EPHA6: variants seen among roughly 807,000 people sequenced by gnomAD.
EPHA6 encodes the protein ephrin type-A receptor 6.
EPHA6 carries 50 observed loss-of-function variants against 112.0 expected under a neutral mutation model. That is an observed-to-expected ratio of 0.45 (90% CI 0.36 to 0.56). The LOEUF is 0.56. Among genes scored for constraint, EPHA6 ranks in the 20% least tolerant of loss-of-function variants. The probability of loss-of-function intolerance (pLI) is 0.00; values close to 1 mark genes in which losing one functional copy is unlikely to be tolerated. For missense variants in EPHA6, 1,280 were observed against 1,417.4 expected (o/e 0.90, Z 1.56); for synonymous variants, 529 against 490.7 (o/e 1.08, Z -1.03).
At chr3:97,208,960 A>G (rs1259553806) in intron 3 of EPHA6, among the ~76,000 whole-genome samples, 1 of 152,166 alleles carries the variant, frequency 6.6e-6, no homozygotes, top group Non-Finnish European at 1.5e-5. Context: ...TATCTTTACA[A>G]TTTTGAAGAC....
At chr3:97,141,037 C>T (rs1295653819) in intron 3 of EPHA6, among the ~76,000 whole-genome samples, 2 of 151,984 alleles carry the variant, frequency 1.3e-5, no homozygotes, top group Non-Finnish European at 2.9e-5. Flanking sequence ...ATACATATAT[C>T]AGATCAAACA....
At position 97,640,588 on chromosome 3, in the gene EPHA6, T is replaced by A. The variant is rs1279003980; in HGVS notation, c.2784+2506T>A. Among the ~76,000 whole-genome samples the A allele has an allele frequency of 2.7e-5, 4 of 150,156 alleles. No homozygotes were observed. The East Asian group carries it at 7.8e-4, about 29-fold the overall frequency. The stretch of plus-strand genomic sequence containing the variant: ...AAGCTAGAGACCAGCCCGACCAATA[T>A]GGAGAAACCCCATCTCTACTAAAAA... On this transcript the variant is annotated intron_variant, in intron 14 of 17. Coordinates refer to ENST00000389672, the MANE Select transcript of EPHA6 (RefSeq NM_001080448.3).
chr3:97,710,231 A>G (rs1386838046), intron 14 of EPHA6, among the ~76,000 whole-genome samples: 1 of 152,194 alleles, frequency 6.6e-6, no homozygotes, highest in African/African-American at 2.4e-5. Flanking sequence ...TATTGAGTGT[A>G]CTTCTGACTG....
chr3:96,838,700 A>C (rs1429776136), intron 1 of EPHA6, among the ~76,000 whole-genome samples: 1 of 152,110 alleles, frequency 6.6e-6, no homozygotes, highest in East Asian at 1.9e-4. Flanking sequence ...GAAATTTAAC[A>C]AATTTGCACT....
intron 5 of EPHA6, among the ~76,000 whole-genome samples, chr3:97,347,441 C>CA (rs907458306): frequency 3.3e-5 from 5 of 151,534 alleles, no homozygotes; most frequent in African/African-American, 1.2e-4. Context: ...AGTAAATGTA[C>CA]AAAAAAAATT....
intron 10 of EPHA6, among the ~76,000 whole-genome samples, chr3:97,523,092 C>T (rs748365209): frequency 6.6e-6 from 1 of 151,896 alleles, no homozygotes; most frequent in Non-Finnish European, 1.5e-5. Context: ...GTTTGTTCTT[C>T]CTTTTTTAGT....
Position 97,066,134 on chromosome 3 carries a change from G to A in EPHA6, c.1114+78141G>A, listed in dbSNP as rs188920120. Reference sequence around the variant, plus strand: ...AAATTTATATTTCTAATAAAATCAAGGAGGGGGTACACCTAGTGCATTTAA... The same window carrying A: ...AAATTTATATTTCTAATAAAATCAAAGAGGGGGTACACCTAGTGCATTTAA... On this transcript the variant is annotated intron_variant, in intron 3 of 17. Transcript: ENST00000389672. Among the ~76,000 whole-genome samples the A allele has an allele frequency of 3.3e-5, 5 of 152,104 alleles. No individual in the cohort carries two copies. The East Asian group carries it at 9.7e-4, about 29-fold the overall frequency.
intron 2 of EPHA6, among the ~76,000 whole-genome samples, chr3:96,957,037 A>C (rs1408170056): frequency 6.6e-6 from 1 of 152,090 alleles, no homozygotes; most frequent in Non-Finnish European, 1.5e-5. Flanking sequence ...TGTCTCAAAA[A>C]AAAAAAAAAA....
At chr3:96,870,522 A>G (rs2036573184) in intron 2 of EPHA6, among the ~76,000 whole-genome samples, 1 of 152,126 alleles carries the variant, frequency 6.6e-6, no homozygotes, top group South Asian at 2.1e-4. Flanking sequence ...TCTTCCAGAA[A>G]CATCCTTACA....
chr3:97,105,386 T>C (rs1242012174), intron 3 of EPHA6, among the ~76,000 whole-genome samples: 1 of 152,160 alleles, frequency 6.6e-6, no homozygotes, highest in Non-Finnish European at 1.5e-5. Context: ...GCTTCTTTAT[T>C]TCTGATTTAA....
chr3:97,554,151 T>G (rs923321459), intron 11 of EPHA6, among the ~76,000 whole-genome samples: 8 of 152,066 alleles, frequency 5.3e-5, no homozygotes, highest in African/African-American at 1.9e-4. Flanking sequence ...ATGAATGGAT[T>G]TTTTTTTCTT....
At chr3:97,718,149 A>G (rs1210345102) in intron 14 of EPHA6, among the ~76,000 whole-genome samples, 1 of 152,224 alleles carries the variant, frequency 6.6e-6, no homozygotes, top group Non-Finnish European at 1.5e-5. Context: ...TGGCTTCCAT[A>G]TTGGAAACAA....
rs1224001035 is a variant in EPHA6 at position 97,045,206 on chromosome 3, A to G, written c.1114+57213A>G. On this transcript the variant is annotated intron_variant, in intron 3 of 17. Coordinates refer to ENST00000389672, the MANE Select transcript of EPHA6 (RefSeq NM_001080448.3). ...GTAAAGATAAAATTCAGTAATGTAT[A>G]GTTAAAAAACATAGTTTCTCTTTCT... is the stretch of plus-strand genomic sequence containing the variant. Among the ~76,000 whole-genome samples, 3 of 152,048 alleles carry G rather than the reference A, an allele frequency of 2.0e-5. No individual in the cohort carries two copies. The East Asian group carries it at 5.8e-4, about 29-fold the overall frequency.
At chr3:97,207,253 AG>A in intron 3 of EPHA6, among the ~76,000 whole-genome samples, 1 of 152,302 alleles carries the variant, frequency 6.6e-6, no homozygotes, top group South Asian at 2.1e-4. Context: ...AAGAATATCA[AG>A]GGTCACTTAT....
At chr3:97,698,286 G>A (rs551162041) in intron 14 of EPHA6, among the ~76,000 whole-genome samples, 229 of 152,184 alleles carry the variant, frequency 1.5e-3, no homozygotes, top group Non-Finnish European at 2.7e-3. Flanking sequence ...GTTGTGAGCC[G>A]TCGTGACCGG....
intron 5 of EPHA6, among the ~76,000 whole-genome samples, chr3:97,286,497 T>C (rs2080468412): frequency 6.6e-6 from 1 of 152,206 alleles, no homozygotes; most frequent in Non-Finnish European, 1.5e-5. Context: ...GAAGCTGTCT[T>C]TTCCCCAGTG....
chr3:97,177,910 C>G (rs1390221698), intron 3 of EPHA6, among the ~76,000 whole-genome samples: 1 of 151,924 alleles, frequency 6.6e-6, no homozygotes, highest in Non-Finnish European at 1.5e-5. Context: ...TTTAGCCAGT[C>G]TGCATCTTTT....
intron 5 of EPHA6, among the ~76,000 whole-genome samples, chr3:97,341,968 T>C (rs1265244386): frequency 6.6e-6 from 1 of 152,274 alleles, no homozygotes; most frequent in African/African-American, 2.4e-5. Flanking sequence ...TGTAGACATA[T>C]ATAGAAGGCA....
chr3:97,244,209 G>A lies in EPHA6; in HGVS notation c.1528G>A (p.Glu510Lys). The change falls in exon 5 of 18, where the codon GAA becomes AAA. Residue 510 changes from glutamate (E) to lysine (K), a missense_variant. Transcript: ENST00000389672. Reference sequence around the variant, plus strand: ...TCACGTGAATTACACCTTTGAAATAGAAGCAATGAATGGAGTTTCTGAGTT... The same window carrying A: ...TCACGTGAATTACACCTTTGAAATAAAAGCAATGAATGGAGTTTCTGAGTT... The part of the protein sequence containing the change: ...VSHVNYTFEI[E>K]AMNGVSELSF... 6.2e-7 allele frequency: 1 copy of A among 1,613,194 alleles called. No individual in the cohort carries two copies. Among genetic ancestry groups the A allele is most frequent in the Non-Finnish European group, 8.5e-7 (1 of 1,179,390 alleles).
Sources: gnomAD v4.1 joint callset for allele counts (sites outside exome capture counted in the v4.1 genomes callset) on GRCh38, gnomAD v4.1.1 for gene constraint, MANE v1.5 for transcripts, NCBI Gene and HGNC (gene_info 2026-07-23, HGNC 2026-07-21) for gene names.